The following CA12 variants were observed in gnomAD, a reference collection of about 807,000 sequenced individuals.
The protein encoded by CA12 is carbonic anhydrase 12.
CA12 carries 36 observed loss-of-function variants against 46.8 expected under a neutral mutation model. The observed-to-expected ratio is 0.77, with a 90% CI of 0.59 to 1.02. The LOEUF is 1.02. CA12 is among the 50% of genes least tolerant of loss of function. The pLI is 0.00. For missense variants in CA12, 436 were observed against 451.4 expected, an observed-to-expected ratio of 0.97 and a Z score of 0.31; for synonymous variants, 202 against 187.0, an observed-to-expected ratio of 1.08 and a Z score of -0.65.
In CA12 at chr15:63,340,824, G is replaced by T. The variant is rs368224069; in HGVS notation, c.526-41C>A. ...GGCAGGTTAAACTGGGACAGAACAGGATAGGCTGAGCCAGGATTGACGATT... is the reference window on the plus strand; with the variant it reads ...GGCAGGTTAAACTGGGACAGAACAGTATAGGCTGAGCCAGGATTGACGATT... On this transcript the variant is annotated intron_variant, in intron 5 of 10. Coordinates refer to ENST00000178638, the MANE Select transcript of CA12 (RefSeq NM_001218.5). This position sits in a 1 kb window ranked among gnomAD's most constrained non-coding sequence, Gnocchi z 4.4. 3 of 1,570,482 alleles carry T rather than the reference G, an allele frequency of 1.9e-6. No homozygotes were observed. Among genetic ancestry groups the T allele is most frequent in the South Asian group, 1.1e-5 (1 of 90,168 alleles).
intron 2 of CA12, among the ~76,000 whole-genome samples, chr15:63,360,225 C>A (rs1211984788): frequency 6.6e-6 from 1 of 152,178 alleles, no homozygotes; most frequent in African/African-American, 2.4e-5. Flanking sequence ...GATATGTGGA[C>A]CAAGTGACAC....
At position 63,340,345 on chromosome 15, in the gene CA12, G is replaced by A. The variant is rs2152615548; in HGVS notation, c.690C>T (p.Cys230=). The A allele has an allele frequency of 6.2e-7, 1 of 1,614,188 alleles. No individual in the cohort carries two copies. The highest frequency in any genetic ancestry group is 1.7e-5 in the Admixed American group (1 of 60,030). The change falls in exon 7 of 11, where the codon TGC becomes TGT. Residue 230 remains cysteine, a synonymous_variant. Coordinates refer to ENST00000178638, the MANE Select transcript of CA12 (RefSeq NM_001218.5). This position sits in a 1 kb window ranked among gnomAD's most constrained non-coding sequence, Gnocchi z 4.4. ...AAACTGTCCAGAGCACAGTGGGGTT[G>A]CAAGGGGGTGTGGTCAGGGACCCCC... The part of the protein sequence containing the change: ...RYRGSLTTPP[C]NPTVLWTVFR...
At chr15:63,353,203 C>A (rs114896341) in intron 2 of CA12, among the ~76,000 whole-genome samples, 6,379 of 152,060 alleles carry the variant, frequency 0.042, 233 homozygotes, top group African/African-American at 0.096. Flanking sequence ...TAAACGAGGG[C>A]TGCAACAGAA....
rs564711437 is a variant in CA12 at position 63,343,232 on chromosome 15, C to T, written c.430-1135G>A. Reference sequence around the variant, plus strand: ...GTGCTCAGAGGAAGTGAAGACTAATCCAAGCATAAAGGAGCTCCCTGTTGA... The same window carrying T: ...GTGCTCAGAGGAAGTGAAGACTAATTCAAGCATAAAGGAGCTCCCTGTTGA... On this transcript the variant is annotated intron_variant, in intron 4 of 10. Coordinates refer to ENST00000178638, the MANE Select transcript of CA12 (RefSeq NM_001218.5). Among the ~76,000 whole-genome samples the T allele has an allele frequency of 1.8e-4, 27 of 150,024 alleles. 1 individual carries two copies. In the South Asian group the frequency reaches 5.5e-3, roughly 31 times the overall value.
intron 4 of CA12, among the ~76,000 whole-genome samples, chr15:63,344,919 C>G (rs1246699201): frequency 6.6e-6 from 1 of 152,102 alleles, no homozygotes; most frequent in East Asian, 1.9e-4. Context: ...ACATCTTGTC[C>G]CTAGTGAGTC....
At chr15:63,381,546 C>T in intron 1 of CA12, 90 bp downstream of exon 1, 1 of 1,048,316 alleles carries the variant, frequency 9.5e-7, no homozygotes, top group Non-Finnish European at 1.5e-6. Context: ...CTCCCCGCAG[C>T]AATGATTTTA....
intron 2 of CA12, among the ~76,000 whole-genome samples, chr15:63,347,723 T>C (rs1054976653): frequency 6.6e-6 from 1 of 152,218 alleles, no homozygotes; most frequent in Admixed American, 6.5e-5. Flanking sequence ...AAACAGACTT[T>C]CAGGCCAAGG....
At chr15:63,326,980 G>A (rs545243324) in intron 10 of CA12, among the ~76,000 whole-genome samples, 169 bp downstream of exon 10, 2 of 152,226 alleles carry the variant, frequency 1.3e-5, no homozygotes, top group East Asian at 1.9e-4. Flanking sequence ...TCACATGTGC[G>A]TCTCATGCAA....
intron 1 of CA12, among the ~76,000 whole-genome samples, chr15:63,381,015 GTGTGTGTGTGTGTGTGTGTGTGTGGTT>G (rs2039637459): frequency 8.3e-6 from 1 of 120,112 alleles, no homozygotes. Flanking sequence ...AATATGCTGT[GTGTGTGTGTGTGTGTGTGTGTGTGGTT>G]TGTGTGCGTG....
intron 10 of CA12, among the ~76,000 whole-genome samples, chr15:63,326,648 T>C (rs2038870893): frequency 6.6e-6 from 1 of 151,910 alleles, no homozygotes; most frequent in Admixed American, 6.6e-5. Flanking sequence ...CATAACAGGG[T>C]TCCCAGAAAC....
intron 2 of CA12, among the ~76,000 whole-genome samples, chr15:63,367,086 A>C (rs1411460846): frequency 1.2e-4 from 18 of 151,782 alleles, no homozygotes; most frequent in Admixed American, 1.2e-3. Flanking sequence ...ATGCCTGGCT[A>C]ATTTTTGTAT....
At chr15:63,335,467 A>G (rs1001384757) in intron 8 of CA12, among the ~76,000 whole-genome samples, 2 of 150,106 alleles carry the variant, frequency 1.3e-5, no homozygotes, top group Non-Finnish European at 3.0e-5. Flanking sequence ...TAATTTTTAA[A>G]TTTTAATTAT....
Position 63,367,785 on chromosome 15 carries a change from G to A in CA12, c.106+7873C>T, listed in dbSNP as rs540846841. 7.8e-4 allele frequency among the ~76,000 whole-genome samples: 119 copies of A among 152,272 alleles called. No homozygotes were observed. In the South Asian group the frequency reaches 0.024, roughly 30 times the overall value. On this transcript the variant is annotated intron_variant, in intron 2 of 10. Transcript: ENST00000178638. ...AGCTAGTATTTGTTTCTTCCTGGTT[G>A]GCATAAATTGAACGCTTGTCAGGTA...
intron 2 of CA12, among the ~76,000 whole-genome samples, chr15:63,360,128 G>A (rs556986362): frequency 6.6e-6 from 1 of 152,172 alleles, no homozygotes; most frequent in Non-Finnish European, 1.5e-5. Flanking sequence ...TGAGATGCCT[G>A]GGTCAGAGAC....
chr15:63,346,617 A>C lies in CA12; in HGVS notation c.199T>G (p.Tyr67Asp), dbSNP rs142770772. The part of the protein sequence containing the change: ...PIDLHSDILQ[Y>D]DASLTPLEFQ... ...TCGAGGGGCGTGAGGCTGGCGTCAT[A>C]CTGGAGGATGTCACTGTGCAGGTCT... Residue 67 changes from tyrosine (Y) to aspartate (D), a missense_variant, in exon 3 of 11, where the codon TAT becomes GAT. Tyr to Asp is a radical substitution (Grantham distance 160). Transcript: ENST00000178638. 1.2e-6 allele frequency: 2 copies of C among 1,613,520 alleles called. No individual in the cohort carries two copies. The highest frequency in any genetic ancestry group is 3.3e-5 in the Admixed American group (2 of 59,982).
rs1050444605 is a variant in CA12, at chr15:63,340,110, T to A, written c.747+178A>T. ...ATCTATTCATTTGCCTAGCTTGACT[T>A]CTTTTGAAGCTCAGCCTGGAATTTC... is the stretch of plus-strand genomic sequence containing the variant. On this transcript the variant is annotated intron_variant, in intron 7 of 10. Transcript: ENST00000178638. This position sits in a 1 kb window ranked among gnomAD's most constrained non-coding sequence, Gnocchi z 4.4. The A allele has an allele frequency of 1.3e-6, 1 of 745,736 alleles. No individual in the cohort carries two copies. Among genetic ancestry groups the A allele is most frequent in the African/African-American group, 1.7e-5 (1 of 57,300 alleles). 46.2% of individuals were successfully genotyped at this position (745,736 alleles called of 1,614,324 possible).
In CA12 at chr15:63,372,054, C is replaced by T. The variant is rs1327538128; in HGVS notation, c.106+3604G>A. 6.6e-6 allele frequency among the ~76,000 whole-genome samples: 1 copy of T among 152,120 alleles called. No individual in the cohort carries two copies. The highest frequency in any genetic ancestry group is 1.5e-5 in the Non-Finnish European group (1 of 68,016). On this transcript the variant is annotated intron_variant, in intron 2 of 10. Coordinates refer to ENST00000178638, the MANE Select transcript of CA12 (RefSeq NM_001218.5). This position sits in a 1 kb window ranked among gnomAD's most constrained non-coding sequence, Gnocchi z 4.5. Reference sequence around the variant, plus strand: ...CAAAAACTGACTGCAGCACCCACACCAAGGACCTGAACGTGCCCACAACCC... The same window carrying T: ...CAAAAACTGACTGCAGCACCCACACTAAGGACCTGAACGTGCCCACAACCC...
chr15:63,368,338 G>T (rs72748944), intron 2 of CA12, among the ~76,000 whole-genome samples: 2 of 151,964 alleles, frequency 1.3e-5, no homozygotes, highest in Admixed American at 1.3e-4. Flanking sequence ...GCGCTCCACC[G>T]TGGTGCCTGC....
intron 2 of CA12, among the ~76,000 whole-genome samples, chr15:63,356,493 G>A (rs145391000): frequency 0.019 from 2,823 of 149,156 alleles, 30 homozygotes; most frequent in Middle Eastern, 0.068. Context: ...GCCTTAAAAC[G>A]TTAAGATAGA....
Sources: gnomAD v4.1 joint callset for allele counts (sites outside exome capture counted in the v4.1 genomes callset) on GRCh38, gnomAD v4.1.1 for gene constraint, Gnocchi (gnomAD v3.1) non-coding constraint, MANE v1.5 for transcripts, NCBI Gene and HGNC (gene_info 2026-07-23, HGNC 2026-07-21) for gene names.